The following GLRA2 variants were observed in gnomAD, a reference collection of about 807,000 sequenced individuals.
The protein encoded by GLRA2 is glycine receptor alpha 2.
In GLRA2, 11 loss-of-function variants were observed where a neutral mutation model predicts 31.6. The ratio of observed to expected loss-of-function variants is 0.35; its 90% CI spans 0.22 to 0.58. GLRA2 has a LOEUF of 0.58. GLRA2 is among the 20% of genes least tolerant of loss of function. The pLI, the probability that GLRA2 is intolerant of heterozygous loss-of-function variation, is 0.84. For synonymous variants in GLRA2, 132 were observed against 134.0 expected, an observed-to-expected ratio of 0.99 and a Z score of 0.10; for missense variants, 212 against 351.8, an observed-to-expected ratio of 0.60 and a Z score of 3.18.
At chrX:14,729,670 A>G (rs193203152) in intron 8 of GLRA2, among the ~76,000 whole-genome samples, 2 of 111,466 alleles carry the variant, frequency 1.8e-5, no homozygotes, top group East Asian at 2.8e-4. Flanking sequence ...GGGAACAGGT[A>G]TATATATAAG....
At chrX:14,560,474 C>A (rs1449888060) in intron 2 of GLRA2, among the ~76,000 whole-genome samples, 1 of 111,216 alleles carries the variant, frequency 9.0e-6, no homozygotes, top group Non-Finnish European at 1.9e-5. Context: ...TATTATTTCC[C>A]AATGTTTATT....
the GLRA2 span, among the ~76,000 whole-genome samples, chrX:14,513,021 A>G: frequency 8.9e-6 from 1 of 112,152 alleles, no homozygotes; most frequent in African/African-American, 3.2e-5. Flanking sequence ...AAACTATACT[A>G]TAAGGCCATA....
intron 4 of GLRA2, among the ~76,000 whole-genome samples, chrX:14,585,516 A>T (rs1308543231): frequency 1.8e-5 from 2 of 111,719 alleles, no homozygotes; most frequent in African/African-American, 3.3e-5. Context: ...ATGCTAATAT[A>T]TGCCCAGCTG....
At chrX:14,513,524 G>A in the GLRA2 span, among the ~76,000 whole-genome samples, 1 of 111,418 alleles carries the variant, frequency 9.0e-6, no homozygotes, top group African/African-American at 3.3e-5. Flanking sequence ...ATCTGATAAA[G>A]GATTAATATT....
intron 8 of GLRA2, among the ~76,000 whole-genome samples, chrX:14,718,839 T>C (rs1601888976): frequency 9.0e-6 from 1 of 111,666 alleles, no homozygotes; most frequent in East Asian, 2.8e-4. Flanking sequence ...TTTTATGAAC[T>C]AACATTGGAA....
intron 7 of GLRA2, among the ~76,000 whole-genome samples, chrX:14,665,770 T>C (rs190090807): frequency 1.8e-5 from 2 of 112,376 alleles, no homozygotes; most frequent in East Asian, 5.6e-4. Context: ...CAAATATTCT[T>C]ATTAATTGCT....
chrX:14,562,636 C>T (rs2089748235), intron 2 of GLRA2, among the ~76,000 whole-genome samples: 1 of 112,107 alleles, frequency 8.9e-6, no homozygotes, highest in African/African-American at 3.2e-5. Context: ...GACAGGTTTG[C>T]TTTCTTTTGA....
chrX:14,606,732 C>A (rs1569508158), intron 5 of GLRA2, among the ~76,000 whole-genome samples: 4 of 111,941 alleles, frequency 3.6e-5, no homozygotes, highest in Admixed American at 2.9e-4. Flanking sequence ...ATTTAAAGTA[C>A]TGACTGGCAC....
chrX:14,645,706 G>A, intron 7 of GLRA2, among the ~76,000 whole-genome samples: 1 of 112,057 alleles, frequency 8.9e-6, no homozygotes, highest in Non-Finnish European at 1.9e-5. Context: ...GGGGCTTGCT[G>A]GACTTGGTGC....
chrX:14,571,049 AG>A (rs1291735206), intron 2 of GLRA2, among the ~76,000 whole-genome samples: 1 of 111,236 alleles, frequency 9.0e-6, no homozygotes, highest in East Asian at 2.8e-4. Flanking sequence ...GAGAAAGGGA[AG>A]GGGGGAGCAG....
intron 2 of GLRA2, among the ~76,000 whole-genome samples, chrX:14,554,533 A>G (rs2089614965): frequency 8.9e-6 from 1 of 111,936 alleles, no homozygotes; most frequent in Non-Finnish European, 1.9e-5. Flanking sequence ...CCAAGCTGCT[A>G]AAGCTTGGCT....
At position 14,730,699 on chromosome X, in the gene GLRA2, G is replaced by A. The variant is rs1362593799; in HGVS notation, c.*214G>A. The A allele has an allele frequency of 1.2e-5, 5 of 401,731 alleles. No homozygotes were observed. The highest frequency in any genetic ancestry group is 6.7e-4 in the Middle Eastern group (1 of 1,487). 33.1% of individuals were successfully genotyped at this position (401,731 alleles called of 1,213,427 possible). ...CAAAATTAAGGGGTTGCAGAATCACGGGAGCATAATAATTCCCTTCCATAA... is the reference window on the plus strand; with the variant it reads ...CAAAATTAAGGGGTTGCAGAATCACAGGAGCATAATAATTCCCTTCCATAA... On this transcript the variant is annotated 3_prime_UTR_variant, in exon 9 of 9. Transcript: ENST00000218075.
chrX:14,477,603 G>A, the GLRA2 span, among the ~76,000 whole-genome samples: 2 of 111,387 alleles, frequency 1.8e-5, no homozygotes, highest in East Asian at 5.6e-4. Flanking sequence ...CTTGTGTAAC[G>A]GTGCAACTTG....
the GLRA2 span, among the ~76,000 whole-genome samples, chrX:14,479,626 G>A: frequency 1.8e-5 from 2 of 111,502 alleles, no homozygotes; most frequent in South Asian, 3.8e-4. Flanking sequence ...AAGTGAAAAC[G>A]TGGTATTTGG....
intron 7 of GLRA2, among the ~76,000 whole-genome samples, chrX:14,685,698 C>T (rs2091268541): frequency 9.0e-6 from 1 of 111,245 alleles, no homozygotes; most frequent in South Asian, 3.8e-4. Context: ...CTATTTGATT[C>T]TTCTCTCTTT....
the GLRA2 span, among the ~76,000 whole-genome samples, chrX:14,466,312 G>T: frequency 5.4e-5 from 6 of 111,134 alleles, no homozygotes; most frequent in Admixed American, 5.8e-4. Context: ...AACTAAATCT[G>T]TTGTCTAAGA....
chrX:14,484,296 A>G, the GLRA2 span, among the ~76,000 whole-genome samples: 1 of 112,085 alleles, frequency 8.9e-6, no homozygotes, highest in African/African-American at 3.2e-5. Context: ...CAAATGGAAA[A>G]TGGTCTTCAA....
intron 7 of GLRA2, among the ~76,000 whole-genome samples, chrX:14,646,838 C>T (rs2090837030): frequency 9.0e-6 from 1 of 111,687 alleles, no homozygotes; most frequent in Non-Finnish European, 1.9e-5. Context: ...CCTAGGGAGG[C>T]ACGATCTTTT....
chrX:14,472,750 T>A, the GLRA2 span, among the ~76,000 whole-genome samples: 31 of 111,766 alleles, frequency 2.8e-4, no homozygotes, highest in South Asian at 0.011. Flanking sequence ...TGTTCTGAAC[T>A]CACAGAGATT....
Sources: allele counts gnomAD v4.1 joint callset (sites outside exome capture counted in the v4.1 genomes callset), GRCh38; gene constraint gnomAD v4.1.1; transcripts MANE v1.5; gene names NCBI Gene and HGNC (gene_info 2026-07-23, HGNC 2026-07-21).